Variants in PCDH7 observed in about 807,000 individuals in gnomAD.
The protein encoded by PCDH7 is protocadherin-7.
Under a neutral mutation model 58.9 loss-of-function variants are expected in PCDH7, and 17 were observed. The ratio of observed to expected loss-of-function variants is 0.29; its 90% CI spans 0.20 to 0.43. PCDH7 has a LOEUF of 0.43. Among genes scored for constraint, PCDH7 ranks in the 20% least tolerant of loss-of-function variants. PCDH7 has a pLI of 1.00. For synonymous variants in PCDH7, 664 were observed against 616.4 expected (o/e 1.08, Z -1.14); for missense variants, 1,274 against 1,441.0 (o/e 0.88, Z 1.88).
chr4:30,903,177 T>C (rs1302813026), intron 1 of PCDH7, among the ~76,000 whole-genome samples: 1 of 152,138 alleles, frequency 6.6e-6, no homozygotes, highest in Non-Finnish European at 1.5e-5. Context: ...TTTAGTGAAT[T>C]TATTTTTCTC....
At chr4:31,033,639 G>T (rs36069924) in intron 3 of PCDH7, among the ~76,000 whole-genome samples, 1 of 151,898 alleles carries the variant, frequency 6.6e-6, no homozygotes, top group Non-Finnish European at 1.5e-5. Flanking sequence ...TACTTGCATA[G>T]ACAGTTTAAT....
intron 1 of PCDH7, among the ~76,000 whole-genome samples, chr4:30,851,870 C>T (rs1435173738): frequency 1.3e-5 from 2 of 152,056 alleles, no homozygotes; most frequent in African/African-American, 4.8e-5. Context: ...TTATAATTTA[C>T]ATTCATTTAC....
intron 3 of PCDH7, among the ~76,000 whole-genome samples, chr4:31,050,003 T>C (rs1756608507): frequency 1.3e-5 from 2 of 152,032 alleles, no homozygotes; most frequent in South Asian, 4.1e-4. Context: ...GGATTCTGAG[T>C]GGCAAAAATA....
At chr4:30,805,682 G>A (rs1425935151) in intron 1 of PCDH7, among the ~76,000 whole-genome samples, 1 of 152,118 alleles carries the variant, frequency 6.6e-6, no homozygotes. Context: ...AAAATCCAGA[G>A]ATCATTTTTT....
At chr4:30,763,410 C>T (rs183519337) in intron 1 of PCDH7, among the ~76,000 whole-genome samples, 43 of 152,246 alleles carry the variant, frequency 2.8e-4, no homozygotes, top group African/African-American at 1.0e-3. Context: ...TTTATCTAAA[C>T]AATGCAGGGG....
intron 3 of PCDH7, among the ~76,000 whole-genome samples, chr4:31,008,923 A>T (rs1752976759): frequency 1.3e-5 from 2 of 152,046 alleles, no homozygotes; most frequent in Non-Finnish European, 2.9e-5. Context: ...GTAATTTTAG[A>T]TAAGTCCCCT....
intron 1 of PCDH7, among the ~76,000 whole-genome samples, chr4:30,848,918 T>C (rs1179273103): frequency 6.6e-6 from 1 of 152,098 alleles, no homozygotes; most frequent in African/African-American, 2.4e-5. Context: ...CCTATTCTTA[T>C]TACTAATTAT....
intron 1 of PCDH7, among the ~76,000 whole-genome samples, chr4:30,895,062 C>A: frequency 6.6e-6 from 1 of 151,122 alleles, no homozygotes; most frequent in East Asian, 1.9e-4. Context: ...CCTTTCTTTA[C>A]GAAATTTTAA....
At chr4:31,094,125 A>G (rs1004324866) in intron 3 of PCDH7, among the ~76,000 whole-genome samples, 3 of 152,180 alleles carry the variant, frequency 2.0e-5, no homozygotes, top group Non-Finnish European at 2.9e-5. Context: ...ATTGAGTGAA[A>G]TAAAATACGT....
rs1553912065 is a variant in PCDH7 at position 30,908,253 on chromosome 4, A to AAG, written c.71-11899_71-11898insGA. 6.1e-4 allele frequency among the ~76,000 whole-genome samples: 93 copies of AAG among 151,552 alleles called. No homozygotes were observed. In the South Asian group the frequency reaches 7.3e-3, roughly 12 times the overall value. ...GAACTTAAAGAATAATAAAAAAAAA[A>AAG]AAGAAGAAAAGAAAAGAGAAAAAAG... On this transcript the variant is annotated intron_variant, in intron 1 of 3. Transcript: ENST00000509759.
chr4:31,054,723 G>T (rs1757011570), intron 3 of PCDH7, among the ~76,000 whole-genome samples: 1 of 152,038 alleles, frequency 6.6e-6, no homozygotes, highest in Non-Finnish European at 1.5e-5. Context: ...TATGATAAAG[G>T]CAGAGTGATG....
chr4:31,000,446 T>G (rs916827598), intron 3 of PCDH7, among the ~76,000 whole-genome samples: 1 of 152,130 alleles, frequency 6.6e-6, no homozygotes, highest in Non-Finnish European at 1.5e-5. Context: ...TTTGAATAGA[T>G]TGCTATATTT....
At chr4:30,971,323 C>T (rs1338461218) in intron 3 of PCDH7, among the ~76,000 whole-genome samples, 1 of 152,168 alleles carries the variant, frequency 6.6e-6, no homozygotes, top group Non-Finnish European at 1.5e-5. Context: ...GAAACCAAGG[C>T]TCCAATTACT....
At chr4:30,890,898 T>G (rs763435174) in intron 1 of PCDH7, among the ~76,000 whole-genome samples, 1 of 152,182 alleles carries the variant, frequency 6.6e-6, no homozygotes, top group African/African-American at 2.4e-5. Flanking sequence ...TTTAAGTTAT[T>G]GTAGCAATCC....
intron 1 of PCDH7, among the ~76,000 whole-genome samples, chr4:30,750,538 T>G (rs1256334449): frequency 1.3e-5 from 2 of 152,182 alleles, no homozygotes; most frequent in African/African-American, 4.8e-5. Context: ...GCGAGGTTCA[T>G]CTATACGCAG....
chr4:30,809,709 A>C (rs1402454669), intron 1 of PCDH7, among the ~76,000 whole-genome samples: 2 of 152,212 alleles, frequency 1.3e-5, no homozygotes, highest in Non-Finnish European at 2.9e-5. Context: ...AATATTCACT[A>C]ACCTTCATCT....
At chr4:30,948,998 A>G (rs1206561524) in intron 2 of PCDH7, among the ~76,000 whole-genome samples, 1 of 152,162 alleles carries the variant, frequency 6.6e-6, no homozygotes, top group Admixed American at 6.6e-5. Flanking sequence ...ATTAAAGGTT[A>G]GATTCACATT....
intron 3 of PCDH7, among the ~76,000 whole-genome samples, chr4:30,958,013 G>A (rs1156784341): frequency 3.3e-5 from 5 of 151,964 alleles, no homozygotes; most frequent in Admixed American, 1.3e-4. Flanking sequence ...TTTAGAGACC[G>A]AAAATATCTG....
chr4:30,765,081 A>G (rs189972029), intron 1 of PCDH7, among the ~76,000 whole-genome samples: 1 of 137,794 alleles, frequency 7.3e-6, no homozygotes, highest in East Asian at 2.2e-4. Flanking sequence ...GTCCTTTGCA[A>G]TTAACAAGGT....
Sources: allele counts gnomAD v4.1 joint callset (sites outside exome capture counted in the v4.1 genomes callset), GRCh38; gene constraint gnomAD v4.1.1; transcripts MANE v1.5; gene names NCBI Gene and HGNC (gene_info 2026-07-23, HGNC 2026-07-21).